MACF1: variants seen among roughly 807,000 people sequenced by gnomAD.
MACF1 encodes microtubule actin crosslinking factor 1.
In MACF1, 193 loss-of-function variants were observed where a neutral mutation model predicts 854.8. The ratio of observed to expected loss-of-function variants is 0.23; its 90% CI spans 0.20 to 0.25. The LOEUF (loss-of-function observed/expected upper bound fraction) is 0.25, where lower values mean the gene tolerates loss of function less well. Among genes scored for constraint, MACF1 ranks in the 10% least tolerant of loss-of-function variants. The pLI, the probability that MACF1 is intolerant of heterozygous loss-of-function variation, is 1.00. For missense variants in MACF1, 7,722 were observed against 8,929.1 expected, an observed-to-expected ratio of 0.86 and a Z score of 5.45; for synonymous variants, 3,185 against 3,226.7, an observed-to-expected ratio of 0.99 and a Z score of 0.44.
At chr1:39,290,628 A>C (rs1468589081) in intron 15 of MACF1, among the ~76,000 whole-genome samples, 5 of 142,990 alleles carry the variant, frequency 3.5e-5, no homozygotes, top group East Asian at 4.1e-4. Flanking sequence ...TCTCATTGAC[A>C]GAGGAGTTTA....
chr1:39,325,259 C>T (rs763597414), intron 35 of MACF1, among the ~76,000 whole-genome samples: 1 of 152,186 alleles, frequency 6.6e-6, no homozygotes, highest in Non-Finnish European at 1.5e-5. Context: ...AGTGATAACT[C>T]AGAACCCAAG....
intron 97 of MACF1, among the ~76,000 whole-genome samples, chr1:39,470,819 G>A (rs915110489): frequency 2.0e-5 from 3 of 152,058 alleles, no homozygotes; most frequent in Admixed American, 1.3e-4. Context: ...TTCCTGTCAT[G>A]TATGATCAGA....
In MACF1 at chr1:39,251,895, G is replaced by A. The variant is rs540472523; in HGVS notation, c.311G>A (p.Cys104Tyr). Reference sequence around the variant, plus strand: ...CGTCTGGTGAGCATGCCCTCCTGGTGCCATACAAACAACGAGGAGCAGGCG... The same window carrying A: ...CGTCTGGTGAGCATGCCCTCCTGGTACCATACAAACAACGAGGAGCAGGCG... ...TLRLVSMPSW[C>Y]HTNNEEQAEE... is the part of the protein sequence containing the mutation. Residue 104 changes from cysteine (C) to tyrosine (Y), a missense_variant, in exon 4 of 101, where the codon TGC becomes TAC. By Grantham distance (194) the Cys-to-Tyr change is radical (BLOSUM62 -2). Around this residue, in one of 15 missense-constraint regions of MACF1, gnomAD observed 82 missense variants for 84.0 expected, o/e 0.98. Coordinates refer to ENST00000564288, the MANE Select transcript of MACF1 (RefSeq NM_001394062.1). The A allele has an allele frequency of 2.0e-4, 310 of 1,518,612 alleles. 1 individual carries two copies. Among genetic ancestry groups the A allele is most frequent in the African/African-American group, 6.5e-4 (47 of 72,294 alleles). The allele number at this position is 1,518,612 out of a possible 1,614,324, so 94.1% of individuals were successfully genotyped here. A position where few individuals can be genotyped will look rare whatever the true frequency, so the allele number is the denominator to read the frequency against.
chr1:39,127,359 A>G (rs1216426485), intron 2 of MACF1, among the ~76,000 whole-genome samples: 2 of 152,212 alleles, frequency 1.3e-5, no homozygotes, highest in African/African-American at 4.8e-5. Flanking sequence ...ATGATTTAAT[A>G]ATAATATAAT....
chr1:39,150,752 C>T (rs1032852442), intron 2 of MACF1, among the ~76,000 whole-genome samples: 2 of 152,224 alleles, frequency 1.3e-5, no homozygotes, highest in Non-Finnish European at 2.9e-5. Flanking sequence ...TTCTGTGGTA[C>T]TTGACACTAT....
At chr1:39,203,160 G>A (rs1644412781), upstream of MACF1, among the ~76,000 whole-genome samples, 1 of 152,238 alleles carries the variant, frequency 6.6e-6, no homozygotes, top group South Asian at 2.1e-4. Context: ...TTTAAAGCTT[G>A]TGAGACTATA....
chr1:39,085,463 G>A (rs1641647703), intron 2 of MACF1, among the ~76,000 whole-genome samples: 1 of 152,102 alleles, frequency 6.6e-6, no homozygotes, highest in South Asian at 2.1e-4. Flanking sequence ...CCTTCTTTGT[G>A]TCCCTCAAAT....
chr1:39,272,158 C>T (rs1326896415), intron 6 of MACF1, among the ~76,000 whole-genome samples: 1 of 152,182 alleles, frequency 6.6e-6, no homozygotes, highest in East Asian at 1.9e-4. Context: ...ATACAGGGAC[C>T]ACAGACTCAC....
chr1:39,307,421 C>T (rs557443747), intron 23 of MACF1, among the ~76,000 whole-genome samples: 1 of 152,176 alleles, frequency 6.6e-6, no homozygotes, highest in South Asian at 2.1e-4. Flanking sequence ...TGAAAGAAAT[C>T]TTTATTTCTC....
chr1:39,432,098 AT>A (rs1212184058), intron 66 of MACF1, among the ~76,000 whole-genome samples: 1 of 152,202 alleles, frequency 6.6e-6, no homozygotes, highest in Admixed American at 6.5e-5. Context: ...TTGGGGTCTT[AT>A]GCTGCTTCAG....
intron 44 of MACF1, among the ~76,000 whole-genome samples, chr1:39,353,796 A>T (rs1173081639): frequency 1.3e-5 from 2 of 151,088 alleles, no homozygotes; most frequent in Non-Finnish European, 3.0e-5. Context: ...TCTCTCTCTC[A>T]CTCTCCTATG....
chr1:39,149,547 TA>T (rs1643532845), intron 2 of MACF1, among the ~76,000 whole-genome samples: 1 of 150,516 alleles, frequency 6.6e-6, no homozygotes, highest in African/African-American at 2.4e-5. Context: ...AAAATAAAAA[TA>T]AAAATAAATA....
rs753994112 is a variant in MACF1 at position 39,442,775 on chromosome 1, A to G, written c.19166A>G (p.Asn6389Ser). 21 of 1,614,178 alleles carry G rather than the reference A, an allele frequency of 1.3e-5. No individual in the cohort carries two copies. Among genetic ancestry groups the G allele is most frequent in the East Asian group, 6.7e-5 (3 of 44,892 alleles). ...GTGGAAACAGTCAACAAAGCTGGCA[A>G]TGAGCTTCTTGAATCCAGTGCTGGA... ...ATVETVNKAG[N>S]ELLESSAGDD... is the part of the protein sequence containing the mutation. The change falls in exon 78 of 101, where the codon AAT becomes AGT. Residue 6389 changes from asparagine to serine, a missense_variant. Around this residue, in one of 15 missense-constraint regions of MACF1, gnomAD observed 729 missense variants for 900.5 expected, o/e 0.81. Coordinates refer to ENST00000564288, the MANE Select transcript of MACF1 (RefSeq NM_001394062.1).
intron 97 of MACF1, among the ~76,000 whole-genome samples, chr1:39,471,817 A>G (rs527254311): frequency 6.1e-5 from 9 of 147,390 alleles, no homozygotes; most frequent in African/African-American, 2.2e-4. Context: ...TTTGAAATAG[A>G]ACTCATTTTT....
intron 6 of MACF1, chr1:39,269,505 G>A (rs868844781): frequency 1.6e-6 from 2 of 1,289,786 alleles, no homozygotes; most frequent in South Asian, 1.2e-5. Context: ...GCCCCCCCAG[G>A]ATTCCAGACT....
At chr1:39,369,144 C>T (rs1649009017) in intron 50 of MACF1, among the ~76,000 whole-genome samples, 1 of 151,820 alleles carries the variant, frequency 6.6e-6, no homozygotes, top group South Asian at 2.1e-4. Flanking sequence ...AGACCCCCTG[C>T]TTGTTTTGAC....
chr1:39,296,284 G>A (rs1034670779), intron 20 of MACF1, among the ~76,000 whole-genome samples: 14 of 152,104 alleles, frequency 9.2e-5, no homozygotes, highest in Non-Finnish European at 1.8e-4. Flanking sequence ...TTTTCTGCTT[G>A]TGTCACATTT....
intron 80 of MACF1, 146 bp from the exon 81 acceptor site, chr1:39,447,286 A>G: frequency 1.4e-6 from 1 of 715,252 alleles, no homozygotes; most frequent in Non-Finnish European, 2.4e-6. Flanking sequence ...TTTACAAATA[A>G]AGCATGTTTG....
intron 49 of MACF1, among the ~76,000 whole-genome samples, chr1:39,366,696 CTTTT>C (rs10718160): frequency 3.0e-5 from 4 of 133,760 alleles, no homozygotes; most frequent in African/African-American, 2.8e-5. Context: ...TACAAATATA[CTTTT>C]TTTTTTTTTT....
Sources: gnomAD v4.1 joint callset for allele counts (sites outside exome capture counted in the v4.1 genomes callset) on GRCh38, gnomAD v4.1.1 for gene constraint, gnomAD v4.1.1 regional missense constraint, MANE v1.5 for transcripts, NCBI Gene and HGNC (gene_info 2026-07-23, HGNC 2026-07-21) for gene names.